The following MTRES1 variants were observed in gnomAD, a reference collection of about 807,000 sequenced individuals.
The protein encoded by MTRES1 is mitochondrial transcription rescue factor 1.
MTRES1 carries 11 observed loss-of-function variants against 17.4 expected under a neutral mutation model. The observed-to-expected ratio is 0.63, with a 90% confidence interval of 0.40 to 1.05. The LOEUF (loss-of-function observed/expected upper bound fraction) is 1.05, where lower values mean the gene tolerates loss of function less well. MTRES1 is among the 50% of genes least tolerant of loss of function. The pLI is 0.00. For missense variants in MTRES1, 268 were observed against 276.2 expected, an observed-to-expected ratio of 0.97 and a Z score of 0.21; for synonymous variants, 94 against 99.6, an observed-to-expected ratio of 0.94 and a Z score of 0.34.
chr6:107,043,665 TGAGGAAGAG>T lies in MTRES1; in HGVS notation c.471-581_471-573del, dbSNP rs573487242. 4.8e-4 allele frequency among the ~76,000 whole-genome samples: 73 copies of T among 152,228 alleles called. No homozygotes were observed. The South Asian group carries it at 6.4e-3, about 13-fold the overall frequency. ...TCATCATGAAGGTCTTCATCCTGGC[TGAGGAAGAG>T]GAGGAAGAGGAGGCGTTGGACTTGC... On this transcript the variant is annotated intron_variant, in intron 2 of 3. Coordinates refer to ENST00000311381, the MANE Select transcript of MTRES1 (RefSeq NM_016487.5).
At chr6:107,030,528 C>T (rs1379358273) in intron 1 of MTRES1, among the ~76,000 whole-genome samples, 1 of 152,206 alleles carries the variant, frequency 6.6e-6, no homozygotes, top group East Asian at 1.9e-4. Context: ...AGAGTCCTCT[C>T]CTAGTGGAGT....
At chr6:107,031,417 G>A (rs1773834858) in intron 1 of MTRES1, among the ~76,000 whole-genome samples, 2 of 140,324 alleles carry the variant, frequency 1.4e-5, no homozygotes, top group Non-Finnish European at 1.5e-5. Flanking sequence ...AAAGAAAAAA[G>A]GAGAAGAGAA....
chr6:107,043,185 T>G (rs932193866), intron 2 of MTRES1, among the ~76,000 whole-genome samples: 6 of 151,664 alleles, frequency 4.0e-5, no homozygotes, highest in Non-Finnish European at 2.9e-5. Context: ...CAAAAAAAAA[T>G]TACCCAGGCG....
At chr6:107,047,387 A>T (rs1774430577) in intron 3 of MTRES1, among the ~76,000 whole-genome samples, 1 of 151,112 alleles carries the variant, frequency 6.6e-6, no homozygotes, top group Non-Finnish European at 1.5e-5. Context: ...CGTCTGGTTA[A>T]TTTTTTATTT....
intron 1 of MTRES1, 126 bp from the exon 2 acceptor site, chr6:107,039,623 T>C (rs1223118827): frequency 3.9e-6 from 4 of 1,019,956 alleles, no homozygotes; most frequent in Admixed American, 6.4e-5. Flanking sequence ...CCAGGCCCAA[T>C]AGGACTTTTT....
rs782386714 is a variant in MTRES1 at position 107,051,230 on chromosome 6, TAAATAA to T, written c.719_*1del. On this transcript the variant is annotated stop_lost and inframe_deletion, in exon 4 of 4. Coordinates refer to ENST00000311381, the MANE Select transcript of MTRES1 (RefSeq NM_016487.5). ...TAAAGTTGCCTAAGAAGAGAATGTC[TAAATAA>T]ATGGATTGCTTTTTAGCAATAGAGC... The T allele has an allele frequency of 1.9e-6, 3 of 1,611,818 alleles. No homozygotes were observed. The South Asian group carries it at 3.3e-5, about 18-fold the overall frequency.
chr6:107,034,153 C>G (rs1180117699), intron 1 of MTRES1, among the ~76,000 whole-genome samples: 1 of 152,154 alleles, frequency 6.6e-6, no homozygotes, highest in Non-Finnish European at 1.5e-5. Flanking sequence ...TTTCCTAATG[C>G]AGGTAGCAGA....
At chr6:107,034,591 G>A (rs1554226753) in intron 1 of MTRES1, among the ~76,000 whole-genome samples, 1 of 152,208 alleles carries the variant, frequency 6.6e-6, no homozygotes, top group Non-Finnish European at 1.5e-5. Flanking sequence ...GATTTGAAGA[G>A]TATCTGTGTG....
In MTRES1 at chr6:107,049,582, T is replaced by G. The variant is rs542486362; in HGVS notation, c.544-1475T>G. Among the ~76,000 whole-genome samples the G allele has an allele frequency of 2.3e-3, 354 of 151,702 alleles. 2 individuals carry two copies. Among genetic ancestry groups the G allele is most frequent in the South Asian group, 7.5e-3 (36 of 4,796 alleles). ...GCGCCCGCCACCACACCCAGCTAAT[T>G]TTTTGTATTTTTAGTAGAGACGGGG... On this transcript the variant is annotated intron_variant, in intron 3 of 3. Transcript: ENST00000311381.
intron 1 of MTRES1, among the ~76,000 whole-genome samples, chr6:107,029,158 T>C (rs1773739939): frequency 6.6e-6 from 1 of 150,708 alleles, no homozygotes; most frequent in Non-Finnish European, 1.5e-5. Context: ...CCCCAGCAGC[T>C]GGGACTACAG....
rs186355476 is a variant in MTRES1, at chr6:107,038,829, C to T, written c.-12-920C>T. ...CAGCACTTTGGGAGGCCAAGGCAGGCGGATCACCTGAGGTTGGGAGTTCAA... is the reference window on the plus strand; with the variant it reads ...CAGCACTTTGGGAGGCCAAGGCAGGTGGATCACCTGAGGTTGGGAGTTCAA... On this transcript the variant is annotated intron_variant, in intron 1 of 3. Transcript: ENST00000311381. Among the ~76,000 whole-genome samples the T allele has an allele frequency of 1.5e-3, 225 of 152,202 alleles. 2 individuals carry two copies. Among genetic ancestry groups the T allele is most frequent in the African/African-American group, 4.5e-3 (188 of 41,524 alleles).
At chr6:107,044,383 C>A in intron 3 of MTRES1, 51 bp downstream of exon 3, 4 of 1,432,318 alleles carry the variant, frequency 2.8e-6, no homozygotes, top group Non-Finnish European at 3.9e-6. Flanking sequence ...TCTTACTCTG[C>A]TAGTAACTCA....
chr6:107,042,458 C>T (rs1260797987), intron 2 of MTRES1, among the ~76,000 whole-genome samples: 2 of 149,096 alleles, frequency 1.3e-5, no homozygotes, highest in Non-Finnish European at 2.9e-5. Context: ...AATAAGGGGG[C>T]CTCTCCTCTC....
chr6:107,036,871 T>C (rs951168425), intron 1 of MTRES1, among the ~76,000 whole-genome samples: 1 of 151,030 alleles, frequency 6.6e-6, no homozygotes, highest in Non-Finnish European at 1.5e-5. Context: ...AAAAAAGTGG[T>C]TCAATTCTGA....
intron 1 of MTRES1, among the ~76,000 whole-genome samples, chr6:107,034,577 C>T (rs1212504357): frequency 6.6e-6 from 1 of 152,126 alleles, no homozygotes; most frequent in Non-Finnish European, 1.5e-5. Flanking sequence ...AGCTCGGATG[C>T]CTAGATTTGA....
chr6:107,028,459 C>G (rs1241825177), intron 1 of MTRES1, 188 bp downstream of exon 1: 1 of 152,360 alleles, frequency 6.6e-6, no homozygotes, highest in Non-Finnish European at 1.5e-5. Context: ...CGAAGCCTTC[C>G]GTTCCTGCCT....
At chr6:107,041,220 G>A (rs1228895519) in intron 2 of MTRES1, among the ~76,000 whole-genome samples, 9 of 47,596 alleles carry the variant, frequency 1.9e-4, no homozygotes, top group East Asian at 1.2e-3. Context: ...GCAAGACTCC[G>A]TCTCAAAAAA....
intron 3 of MTRES1, among the ~76,000 whole-genome samples, chr6:107,045,205 G>A (rs1386178161): frequency 1.3e-5 from 2 of 148,488 alleles, no homozygotes; most frequent in Non-Finnish European, 3.0e-5. Flanking sequence ...ATTCTGGCTG[G>A]GCGCAGTGAC....
intron 3 of MTRES1, among the ~76,000 whole-genome samples, chr6:107,050,619 C>T (rs9386600): frequency 0.11 from 15,528 of 146,222 alleles, 1,101 homozygotes; most frequent in East Asian, 0.36. Flanking sequence ...CTCTGTCGCC[C>T]GGGCTGGCAT....
Sources: gnomAD v4.1 joint callset for allele counts (sites outside exome capture counted in the v4.1 genomes callset) on GRCh38, gnomAD v4.1.1 for gene constraint, MANE v1.5 for transcripts, NCBI Gene and HGNC (gene_info 2026-07-23, HGNC 2026-07-21) for gene names.